Variants in NELL1 observed in about 807,000 individuals in gnomAD.
NELL1 encodes the protein neural EGFL like 1, also known as protein kinase C-binding protein NELL1.
Under a neutral mutation model 107.4 loss-of-function variants are expected in NELL1, and 76 were observed. The observed-to-expected ratio is 0.71, with a 90% confidence interval of 0.59 to 0.86. The LOEUF is 0.86. Ranked by LOEUF, NELL1 falls within the 40% of genes least tolerant of loss-of-function variation. The pLI, the probability that NELL1 is intolerant of heterozygous loss-of-function variation, is 0.00. For missense variants in NELL1, 1,024 were observed against 1,005.5 expected (o/e 1.02, Z -0.25); for synonymous variants, 353 against 341.2 (o/e 1.03, Z -0.38).
chr11:20,777,953 G>A (rs999915111), intron 2 of NELL1, among the ~76,000 whole-genome samples: 1 of 152,178 alleles, frequency 6.6e-6, no homozygotes, highest in Non-Finnish European at 1.5e-5. Context: ...CCAATCAGGG[G>A]CCTGAGAATT....
chr11:21,201,433 T>C (rs1857267522), intron 13 of NELL1, among the ~76,000 whole-genome samples: 1 of 152,194 alleles, frequency 6.6e-6, no homozygotes, highest in Admixed American at 6.5e-5. Flanking sequence ...TCTCTGTCTA[T>C]TATTGGCGTA....
chr11:21,284,574 C>T (rs1359710473), intron 14 of NELL1: 1 of 450,152 alleles, frequency 2.2e-6, no homozygotes, highest in East Asian at 7.0e-5. Context: ...GTGAGTATCC[C>T]AGCCCCAACA....
chr11:21,475,757 G>C (rs1854315580), intron 15 of NELL1, among the ~76,000 whole-genome samples: 1 of 152,170 alleles, frequency 6.6e-6, no homozygotes, highest in South Asian at 2.1e-4. Flanking sequence ...TTGTTTGTTA[G>C]CATAGCAAAA....
chr11:21,492,190 G>A (rs1444042592), intron 15 of NELL1, among the ~76,000 whole-genome samples: 3 of 151,974 alleles, frequency 2.0e-5, no homozygotes, highest in African/African-American at 7.2e-5. Context: ...CAAATCCACA[G>A]TGAGATACCA....
intron 2 of NELL1, among the ~76,000 whole-genome samples, chr11:20,702,435 T>C (rs1262715408): frequency 6.6e-6 from 1 of 152,184 alleles, no homozygotes; most frequent in Admixed American, 6.5e-5. Context: ...TTTCTAAATA[T>C]ACAATCATGT....
intron 14 of NELL1, among the ~76,000 whole-genome samples, chr11:21,272,786 C>A (rs1192327826): frequency 2.0e-5 from 3 of 152,198 alleles, no homozygotes; most frequent in African/African-American, 4.8e-5. Context: ...GATACTCAGG[C>A]AAAGAGGGCC....
intron 12 of NELL1, among the ~76,000 whole-genome samples, chr11:20,970,174 A>C (rs1442312561): frequency 1.3e-5 from 2 of 152,020 alleles, no homozygotes; most frequent in African/African-American, 4.8e-5. Context: ...GGGCTTTATA[A>C]AAGTGGGGCT....
At chr11:21,230,300 T>A (rs1459349951) in intron 14 of NELL1, among the ~76,000 whole-genome samples, 1 of 152,298 alleles carries the variant, frequency 6.6e-6, no homozygotes, top group East Asian at 1.9e-4. Flanking sequence ...GAACACTTGG[T>A]CTTGTCCCCC....
intron 14 of NELL1, among the ~76,000 whole-genome samples, chr11:21,304,717 G>C (rs1849570434): frequency 6.6e-6 from 1 of 151,798 alleles, no homozygotes. Flanking sequence ...TTTTTAAAGA[G>C]TATATATCAC....
intron 5 of NELL1, among the ~76,000 whole-genome samples, chr11:20,906,526 G>A (rs1287016364): frequency 6.6e-6 from 1 of 151,998 alleles, no homozygotes; most frequent in East Asian, 1.9e-4. Flanking sequence ...TACCAAAGCA[G>A]ATAAGGACAT....
chr11:20,885,619 TTATAATTA>T (rs773780348), intron 5 of NELL1, 79 bp downstream of exon 5: 1 of 893,142 alleles, frequency 1.1e-6, no homozygotes. Context: ...GGAGCCGTGT[TTATAATTA>T]CATTAGTGGG....
At chr11:21,405,263 G>A (rs1051043441) in intron 15 of NELL1, among the ~76,000 whole-genome samples, 2 of 151,920 alleles carry the variant, frequency 1.3e-5, no homozygotes, top group Admixed American at 6.6e-5. Context: ...TTCAATGATG[G>A]CTTGTTCAGC....
intron 13 of NELL1, among the ~76,000 whole-genome samples, chr11:21,121,382 A>G (rs1220848624): frequency 2.0e-5 from 3 of 152,180 alleles, no homozygotes; most frequent in African/African-American, 4.8e-5. Context: ...CGCTGGATAG[A>G]CAATGACTGT....
chr11:21,386,448 C>T (rs923719722), intron 15 of NELL1, among the ~76,000 whole-genome samples: 6 of 151,768 alleles, frequency 4.0e-5, no homozygotes, highest in African/African-American at 1.4e-4. Flanking sequence ...AAGTGAGTCC[C>T]CACTTCCTTC....
At chr11:20,871,836 G>A (rs899664201) in intron 4 of NELL1, among the ~76,000 whole-genome samples, 1 of 151,566 alleles carries the variant, frequency 6.6e-6, no homozygotes, top group Non-Finnish European at 1.5e-5. Flanking sequence ...TGGCTAACAT[G>A]GTGAAACCCC....
At chr11:20,994,582 T>A (rs1387685902) in intron 12 of NELL1, among the ~76,000 whole-genome samples, 1 of 151,922 alleles carries the variant, frequency 6.6e-6, no homozygotes, top group African/African-American at 2.4e-5. Flanking sequence ...AACCAAGGAG[T>A]GGAAATTTGT....
chr11:21,273,199 A>G (rs1439398645), intron 14 of NELL1, among the ~76,000 whole-genome samples: 2 of 152,220 alleles, frequency 1.3e-5, no homozygotes, highest in Non-Finnish European at 2.9e-5. Flanking sequence ...AATACAGAGA[A>G]GTCCTTAAAG....
At chr11:21,312,872 C>T (rs975922888) in intron 14 of NELL1, among the ~76,000 whole-genome samples, 10 of 152,076 alleles carry the variant, frequency 6.6e-5, no homozygotes, top group South Asian at 2.1e-4. Flanking sequence ...TCTCCTCTTA[C>T]TCACCTCTCA....
At chr11:21,377,193 G>A (rs1177038918) in intron 15 of NELL1, among the ~76,000 whole-genome samples, 1 of 152,008 alleles carries the variant, frequency 6.6e-6, no homozygotes, top group Non-Finnish European at 1.5e-5. Context: ...GTCATAGATG[G>A]CTCCTATTAT....
Sources: allele counts gnomAD v4.1 joint callset (sites outside exome capture counted in the v4.1 genomes callset), GRCh38; gene constraint gnomAD v4.1.1; transcripts MANE v1.5; gene names NCBI Gene and HGNC (gene_info 2026-07-23, HGNC 2026-07-21).